SART3: variants seen among roughly 807,000 people sequenced by gnomAD.
SART3 encodes the protein HIV-1 Tat-interacting protein of 110kDa.
In SART3, 44 loss-of-function variants were observed where a neutral mutation model predicts 122.3. The ratio of observed to expected loss-of-function variants is 0.36; its 90% CI spans 0.28 to 0.46. SART3 has a LOEUF of 0.46. Ranked by LOEUF, SART3 falls within the 20% of genes least tolerant of loss-of-function variation. The pLI, the probability that SART3 is intolerant of heterozygous loss-of-function variation, is 1.00. For missense variants in SART3, 1,101 were observed against 1,229.0 expected, an observed-to-expected ratio of 0.90 and a Z score of 1.56; for synonymous variants, 442 against 454.0, an observed-to-expected ratio of 0.97 and a Z score of 0.34.
rs926149703 is a variant in SART3 at position 108,560,832 on chromosome 12, C to A, written c.312+11G>T. 7.6e-6 allele frequency: 12 copies of A among 1,578,692 alleles called. No individual in the cohort carries two copies. The highest frequency in any genetic ancestry group is 7.8e-6 in the Non-Finnish European group (9 of 1,157,826). ...GACTGGAAGATGCCCGCTGCCCACC[C>A]CCGGGCCCACCTGCTCCTCCAGTCT... On this transcript the variant is annotated intron_variant, in intron 1 of 18. Transcript: ENST00000546815.
rs771849506 is a variant in SART3 at position 108,526,491 on chromosome 12, C to T, written c.1978G>A (p.Val660Ile). The T allele has an allele frequency of 6.2e-7, 1 of 1,614,190 alleles. No individual in the cohort carries two copies. Among genetic ancestry groups the T allele is most frequent in the Non-Finnish European group, 8.5e-7 (1 of 1,180,046 alleles). The change falls in exon 16 of 19, where the codon GTA becomes ATA. Residue 660 changes from valine to isoleucine, a missense_variant. By Grantham distance (29) the Val-to-Ile change is conservative (BLOSUM62 3). This residue lies in a region of SART3 where 885 missense variants were observed against 1,080.1 expected (regional missense o/e 0.82). Coordinates refer to ENST00000546815, the MANE Select transcript of SART3 (RefSeq NM_014706.4). ...CCAGCGGGCCCTGCTGCTACTTCTACATTTTGTGTTTCTCCAGCTGCAGGG... is the reference window on the plus strand; with the variant it reads ...CCAGCGGGCCCTGCTGCTACTTCTATATTTTGTGTTTCTCCAGCTGCAGGG... ...SIPAAGETQN[V>I]EVAAGPAGKC... is the part of the protein sequence containing the mutation.
rs780624610 is a variant in SART3 at position 108,535,392 on chromosome 12, G to A, written c.1523C>T (p.Ala508Val). Reference sequence around the variant, plus strand: ...GTTGTAATACTCTAGCCACATGTTGGCGTACTTGGCATTTCCTCTGGTCAT... The same window carrying A: ...GTTGTAATACTCTAGCCACATGTTGACGTACTTGGCATTTCCTCTGGTCAT... ...SIMTRGNAKY[A>V]NMWLEYYNLE... The change falls in exon 12 of 19, where the codon GCC (alanine) becomes GTC (valine). Residue 508 changes from alanine (A) to valine (V), a missense_variant. Physicochemically the swap from Ala to Val is moderately conservative, Grantham distance 64. Around this residue, in one of 2 missense-constraint regions of SART3, gnomAD observed 885 missense variants for 1,080.1 expected, o/e 0.82. Coordinates refer to ENST00000546815, the MANE Select transcript of SART3 (RefSeq NM_014706.4). 3 of 1,613,844 alleles carry A rather than the reference G, an allele frequency of 1.9e-6. No individual in the cohort carries two copies. Among genetic ancestry groups the A allele is most frequent in the Non-Finnish European group, 2.5e-6 (3 of 1,179,960 alleles).
Position 108,557,148 on chromosome 12 carries a change from C to T in SART3, c.312+3695G>A, listed in dbSNP as rs184728816. On this transcript the variant is annotated intron_variant, in intron 1 of 18. Transcript: ENST00000546815. ...CTATTTCCACATAGTTCAATCTATA[C>T]TGATAAATGAGTACATATGCTGGTC... Among the ~76,000 whole-genome samples, 211 of 150,692 alleles carry T rather than the reference C, an allele frequency of 1.4e-3. 4 individuals carry two copies. The South Asian group carries it at 0.017, about 12-fold the overall frequency.
intron 7 of SART3, among the ~76,000 whole-genome samples, chr12:108,538,656 T>A (rs919099825): frequency 6.6e-6 from 1 of 152,240 alleles, no homozygotes; most frequent in Non-Finnish European, 1.5e-5. Context: ...TCTACTTTTA[T>A]ATGTTTACAT....
intron 1 of SART3, among the ~76,000 whole-genome samples, chr12:108,558,267 C>T (rs2030317758): frequency 6.6e-6 from 1 of 152,228 alleles, no homozygotes; most frequent in Non-Finnish European, 1.5e-5. Context: ...TCATTATGCT[C>T]CGCCATAAAA....
At chr12:108,555,096 T>C (rs2030161840) in intron 1 of SART3, among the ~76,000 whole-genome samples, 1 of 152,088 alleles carries the variant, frequency 6.6e-6, no homozygotes, top group African/African-American at 2.4e-5. Flanking sequence ...ATTGGTAGAG[T>C]TGTATATATG....
chr12:108,526,674 A>G (rs1425884127), intron 15 of SART3, 121 bp from the exon 16 acceptor site: 48 of 1,067,036 alleles, frequency 4.5e-5, no homozygotes, highest in Non-Finnish European at 5.9e-5. Context: ...CCCTCACCAG[A>G]CTCGGAGGGG....
At chr12:108,551,408 C>G (rs1252354875) in intron 1 of SART3, among the ~76,000 whole-genome samples, 1 of 152,102 alleles carries the variant, frequency 6.6e-6, no homozygotes. Context: ...CAACATCTCC[C>G]TTTTCAGCAA....
chr12:108,539,613 T>C (rs1026082673), intron 6 of SART3, among the ~76,000 whole-genome samples: 2 of 152,242 alleles, frequency 1.3e-5, no homozygotes, highest in Non-Finnish European at 2.9e-5. Flanking sequence ...AAATTCTTTT[T>C]AGAAAAAAAT....
At chr12:108,558,286 A>G in intron 1 of SART3, among the ~76,000 whole-genome samples, 1 of 152,252 alleles carries the variant, frequency 6.6e-6, no homozygotes, top group Non-Finnish European at 1.5e-5. Flanking sequence ...AAGCAGTTAC[A>G]GCAGGAAGAA....
At chr12:108,553,645 A>T (rs1009060426) in intron 1 of SART3, among the ~76,000 whole-genome samples, 2 of 152,206 alleles carry the variant, frequency 1.3e-5, no homozygotes, top group African/African-American at 4.8e-5. Flanking sequence ...CTAGATATTT[A>T]ATTAAAATAC....
chr12:108,530,289 G>A lies in SART3; in HGVS notation c.1768C>T (p.Leu590Phe). The part of the protein sequence containing the change: ...RMKAAEKEAA[L>F]VQQEEEKAEQ... ...GCCTTTTCTTCTTCTTGCTGCACAA[G>A]GGCTGCTTCCTTCTCTGCAGCCTAG... The change falls in exon 15 of 19, where the codon CTT (leucine) becomes TTT (phenylalanine). Residue 590 changes from leucine (L) to phenylalanine (F), a missense_variant. This residue lies in a region of SART3 where 885 missense variants were observed against 1,080.1 expected (regional missense o/e 0.82). Coordinates refer to ENST00000546815, the MANE Select transcript of SART3 (RefSeq NM_014706.4). 3 of 1,614,046 alleles carry A rather than the reference G, an allele frequency of 1.9e-6. No individual in the cohort carries two copies. Among genetic ancestry groups the A allele is most frequent in the Non-Finnish European group, 2.5e-6 (3 of 1,180,026 alleles).
chr12:108,538,337 A>G (rs1394685676), intron 7 of SART3, 134 bp from the exon 8 acceptor site: 1 of 1,032,376 alleles, frequency 9.7e-7, no homozygotes, highest in East Asian at 2.5e-5. Context: ...TTCCTCAACA[A>G]CAACAAAAAA....
At chr12:108,554,779 G>C (rs1395022197) in intron 1 of SART3, among the ~76,000 whole-genome samples, 1 of 151,428 alleles carries the variant, frequency 6.6e-6, no homozygotes, top group Non-Finnish European at 1.5e-5. Flanking sequence ...CTGGAGGTCT[G>C]GGGTTTTAAC....
chr12:108,538,236 C>T, intron 7 of SART3, 33 bp from the exon 8 acceptor site: 2 of 1,612,910 alleles, frequency 1.2e-6, no homozygotes, highest in Non-Finnish European at 1.7e-6. Flanking sequence ...TAGGAAATTA[C>T]ACTTTATTAA....
chr12:108,527,686 A>T (rs1285246286), intron 15 of SART3, among the ~76,000 whole-genome samples: 1 of 152,254 alleles, frequency 6.6e-6, no homozygotes, highest in Non-Finnish European at 1.5e-5. Context: ...GGATGACTCC[A>T]TTCCCAGTTC....
Position 108,535,360 on chromosome 12 carries a change from T to C in SART3, c.1555A>G (p.Arg519Gly). Residue 519 changes from arginine (R) to glycine (G), a missense_variant and splice_region_variant, in exon 12 of 19, where the codon AGA (arginine) becomes GGA (glycine). By Grantham distance (125) the Arg-to-Gly change is moderately radical. Around this residue, in one of 2 missense-constraint regions of SART3, gnomAD observed 885 missense variants for 1,080.1 expected, o/e 0.82. Transcript: ENST00000546815. ...CCTCCCCACCCCGAGATCAGTTACCTTTCCAGGTTGTAATACTCTAGCCAC... is the reference window on the plus strand; with the variant it reads ...CCTCCCCACCCCGAGATCAGTTACCCTTCCAGGTTGTAATACTCTAGCCAC... ...NMWLEYYNLE[R>G]AHGDTQHCRK... 1.2e-6 allele frequency: 2 copies of C among 1,613,176 alleles called. No individual in the cohort carries two copies. Among genetic ancestry groups the C allele is most frequent in the Non-Finnish European group, 1.7e-6 (2 of 1,179,266 alleles).
At chr12:108,551,952 C>T (rs577327812) in intron 1 of SART3, among the ~76,000 whole-genome samples, 15 of 151,484 alleles carry the variant, frequency 9.9e-5, no homozygotes, top group African/African-American at 3.2e-4. Context: ...TAAAACAGTA[C>T]GGAGGAAAAT....
Position 108,524,366 on chromosome 12 carries a change from C to A in SART3, c.2664G>T (p.Glu888Asp). ...TGGGGCCACCTGGTGCCTTCCTGGT[C>A]TCCGGCTTCTCTGGAACTTTCCTCT... is the stretch of plus-strand genomic sequence containing the variant. ...PPQRKVPEKPETRKAPGGPML... is the reference protein window; with the variant it reads ...PPQRKVPEKPDTRKAPGGPML... The change falls in exon 18 of 19, where the codon GAG becomes GAT. Residue 888 changes from glutamate (E) to aspartate (D), a missense_variant. Glu to Asp is a conservative substitution (Grantham distance 45). This residue lies in a region of SART3 where 885 missense variants were observed against 1,080.1 expected (regional missense o/e 0.82). Transcript: ENST00000546815. 6.2e-7 allele frequency: 1 copy of A among 1,614,216 alleles called. No homozygotes were observed. The highest frequency in any genetic ancestry group is 8.5e-7 in the Non-Finnish European group (1 of 1,180,032).
Sources: gnomAD v4.1 joint callset for allele counts (sites outside exome capture counted in the v4.1 genomes callset) on GRCh38, gnomAD v4.1.1 for gene constraint, gnomAD v4.1.1 regional missense constraint, MANE v1.5 for transcripts, NCBI Gene and HGNC (gene_info 2026-07-23, HGNC 2026-07-21) for gene names.